The following ATXN2 variants were observed in gnomAD, a reference collection of about 807,000 sequenced individuals.
The protein encoded by ATXN2 is ataxin-2.
Under a neutral mutation model 138.6 loss-of-function variants are expected in ATXN2, and 37 were observed. The observed-to-expected ratio is 0.27, with a 90% CI of 0.21 to 0.35. The LOEUF (loss-of-function observed/expected upper bound fraction) is 0.35, where lower values mean the gene tolerates loss of function less well. ATXN2 is among the 10% of genes least tolerant of loss of function. The probability of loss-of-function intolerance (pLI) is 1.00; values close to 1 mark genes in which losing one functional copy is unlikely to be tolerated. For synonymous variants in ATXN2, 549 were observed against 543.7 expected (o/e 1.01, Z -0.13); for missense variants, 1,216 against 1,480.3 (o/e 0.82, Z 2.93).
rs1346017326 is a variant in ATXN2, at chr12:111,554,170, A to C, written c.336T>G (p.Leu112=). ...IYANMRMVHI[L]TSVVGSKCEV... ...TCTAATAACTTACAACAACTGATGT[A>C]AGTATATGAACCATCCTCATATTTG... is the stretch of plus-strand genomic sequence containing the variant. The change falls in exon 3 of 25, where the codon CTT becomes CTG. Residue 112 remains leucine (L), a synonymous_variant. Coordinates refer to ENST00000673436, the MANE Select transcript of ATXN2 (RefSeq NM_001372574.1). 1.3e-5 allele frequency: 19 copies of C among 1,496,994 alleles called. No homozygotes were observed. The highest frequency in any genetic ancestry group is 1.7e-5 in the Non-Finnish European group (19 of 1,111,946). The allele number at this position is 1,496,994 out of a possible 1,614,324, so 92.7% of individuals were successfully genotyped here.
At chr12:111,469,046 G>A (rs1476661258) in intron 20 of ATXN2, 2 of 152,052 alleles carry the variant, frequency 1.3e-5, no homozygotes, top group African/African-American at 4.8e-5. Context: ...ACTCGTTCAG[G>A]ACATCTAAAC....
intron 1 of ATXN2, among the ~76,000 whole-genome samples, chr12:111,573,622 T>C (rs1883460718): frequency 6.6e-6 from 1 of 152,188 alleles, no homozygotes; most frequent in Non-Finnish European, 1.5e-5. Context: ...TCCTATCTCT[T>C]TGACCTAAAG....
intron 5 of ATXN2, among the ~76,000 whole-genome samples, chr12:111,547,026 C>G (rs1247384196): frequency 6.6e-6 from 1 of 152,178 alleles, no homozygotes; most frequent in Admixed American, 6.5e-5. Flanking sequence ...TATTTCAAAG[C>G]CTTTTATTCA....
At chr12:111,576,122 TAA>T (rs1432580101) in intron 1 of ATXN2, among the ~76,000 whole-genome samples, 124 of 139,340 alleles carry the variant, frequency 8.9e-4, no homozygotes, top group South Asian at 6.6e-3. Flanking sequence ...TAACATAACA[TAA>T]CATAACATAA....
At chr12:111,524,581 C>T (rs1335405734) in intron 6 of ATXN2, among the ~76,000 whole-genome samples, 1 of 152,082 alleles carries the variant, frequency 6.6e-6, no homozygotes, top group Non-Finnish European at 1.5e-5. Context: ...CAGGCATGTG[C>T]CAGCATACCC....
At position 111,598,950 on chromosome 12, in the gene ATXN2, GC is replaced by G; in HGVS notation, c.84del (p.Gln28HisfsTer18). 5.0e-5 allele frequency: 1 copy of G among 19,984 alleles called. No homozygotes were observed. 1.2% of individuals were successfully genotyped at this position (19,984 alleles called of 1,614,324 possible). Reference protein sequence around the residue: ...QQQQQQQQQQQPPPAAANVRK... With the variant: ...QQQQQQQQQQXPPPAAANVRK... Reference sequence around the variant, plus strand: ...CGGACATTGGCAGCCGCGGGCGGCGGCTGCTGCTGCTGCTGCTGCTGCTGCT... The same window carrying G: ...CGGACATTGGCAGCCGCGGGCGGCGGTGCTGCTGCTGCTGCTGCTGCTGCT... On this transcript the variant is annotated frameshift_variant, in exon 1 of 25. Transcript: ENST00000673436. LOFTEE classifies it high-confidence loss of function. This position sits in a 1 kb window ranked among gnomAD's most constrained non-coding sequence, Gnocchi z 4.5.
chr12:111,527,604 C>G (rs897523763), intron 5 of ATXN2, among the ~76,000 whole-genome samples: 9 of 152,210 alleles, frequency 5.9e-5, no homozygotes, highest in African/African-American at 2.2e-4. Context: ...CTGGGCTTAG[C>G]TGCCAGCTCC....
rs1351609471 is a variant in ATXN2 at position 111,570,436 on chromosome 12, A to T, written c.252-14517T>A. ...AATTTTACATTTTAAAAACCTTATT[A>T]GCGTTTACTTTAAGCTCATTTCATT... On this transcript the variant is annotated intron_variant, in intron 1 of 24. Transcript: ENST00000673436. Among the ~76,000 whole-genome samples, 3 of 152,332 alleles carry T rather than the reference A, an allele frequency of 2.0e-5. No homozygotes were observed. The South Asian group carries it at 6.2e-4, about 32-fold the overall frequency.
In ATXN2 at chr12:111,513,507, G is replaced by T; in HGVS notation, c.1408C>A (p.His470Asn). 1.2e-6 allele frequency: 2 copies of T among 1,613,938 alleles called. No homozygotes were observed. The highest frequency in any genetic ancestry group is 1.7e-6 in the Non-Finnish European group (2 of 1,179,950). ...PPRMSPKAQRHPRNHRVSAGR... is the reference protein window; with the variant it reads ...PPRMSPKAQRNPRNHRVSAGR... Reference sequence around the variant, plus strand: ...GCAGAAACTCTGTGATTTCGAGGATGTCGCTGGGCCTTTGGGGACATCCTT... The same window carrying T: ...GCAGAAACTCTGTGATTTCGAGGATTTCGCTGGGCCTTTGGGGACATCCTT... The change falls in exon 11 of 25, where the codon CAT (histidine) becomes AAT (asparagine). Residue 470 changes from histidine (H) to asparagine (N), a missense_variant. Transcript: ENST00000673436.
chr12:111,566,782 G>A (rs1175214276), intron 1 of ATXN2, among the ~76,000 whole-genome samples: 1 of 151,904 alleles, frequency 6.6e-6, no homozygotes, highest in African/African-American at 2.4e-5. Flanking sequence ...GATTATAGGC[G>A]CCCGCCACCA....
chr12:111,483,188 A>AACACACACACACACAC (rs746562037), intron 18 of ATXN2, among the ~76,000 whole-genome samples: 1 of 118,946 alleles, frequency 8.4e-6, no homozygotes, highest in Non-Finnish European at 1.7e-5. Flanking sequence ...CCCTGTATCA[A>AACACACACACACACAC]ACACATACAC....
intron 5 of ATXN2, among the ~76,000 whole-genome samples, chr12:111,551,211 C>T (rs1436179402): frequency 1.3e-5 from 2 of 151,428 alleles, no homozygotes; most frequent in East Asian, 3.9e-4. Flanking sequence ...GCAGGAGAAT[C>T]GCTTGAACCT....
intron 5 of ATXN2, among the ~76,000 whole-genome samples, chr12:111,548,456 A>G (rs923598456): frequency 8.5e-5 from 13 of 152,374 alleles, no homozygotes; most frequent in African/African-American, 3.1e-4. Context: ...AGTCTGGCAC[A>G]TAGAATATGC....
At chr12:111,483,238 C>CAA (rs780429904) in intron 18 of ATXN2, among the ~76,000 whole-genome samples, 95 of 146,786 alleles carry the variant, frequency 6.5e-4, no homozygotes, top group Non-Finnish European at 1.3e-3. Context: ...CACACACACA[C>CAA]AAAACACCCA....
rs150538953 is a variant in ATXN2, at chr12:111,510,442, C to T, written c.1699G>A (p.Ala567Thr). The change falls in exon 12 of 25, where the codon GCA (alanine) becomes ACA (threonine). Residue 567 changes from alanine (A) to threonine (T), a missense_variant. Ala to Thr is a moderately conservative substitution (Grantham distance 58). Coordinates refer to ENST00000673436, the MANE Select transcript of ATXN2 (RefSeq NM_001372574.1). ...TEAVAMPIPA[A>T]SPTPASPASN... ...GCAGGACTAGCAGGCGTAGGAGATGCAGCTGGAATAGGCATGGCAACAGCT... is the reference window on the plus strand; with the variant it reads ...GCAGGACTAGCAGGCGTAGGAGATGTAGCTGGAATAGGCATGGCAACAGCT... The T allele has an allele frequency of 1.4e-4, 229 of 1,614,126 alleles. No individual in the cohort carries two copies. The African/African-American group carries it at 2.9e-3, about 20-fold the overall frequency.
intron 14 of ATXN2, among the ~76,000 whole-genome samples, chr12:111,499,849 G>T (rs1334198308): frequency 6.6e-6 from 1 of 152,130 alleles, no homozygotes; most frequent in Non-Finnish European, 1.5e-5. Context: ...TGGCAAACAG[G>T]TATATGAAAG....
chr12:111,599,022 G>T lies in ATXN2; in HGVS notation c.13C>A (p.Pro5Thr). The T allele has an allele frequency of 6.6e-7, 1 of 1,504,390 alleles. No homozygotes were observed. Among genetic ancestry groups the T allele is most frequent in the Non-Finnish European group, 8.8e-7 (1 of 1,131,182 alleles). The allele number at this position is 1,504,390 out of a possible 1,614,324, so 93.2% of individuals were successfully genotyped here. A position where few individuals can be genotyped will look rare whatever the true frequency, so the allele number is the denominator to read the frequency against. The part of the protein sequence containing the change: MSLK[P>T]QQQQQQQQQQ... ...TGCTGCTGCTGCTGCTGCTGCTGGG[G>T]CTTCAGCGACATGGTGAGGGGCCCA... The change falls in exon 1 of 25, where the codon CCC becomes ACC. Residue 5 changes from proline to threonine, a missense_variant. Transcript: ENST00000673436.
chr12:111,594,484 G>A (rs561776187), intron 1 of ATXN2, among the ~76,000 whole-genome samples: 5 of 152,100 alleles, frequency 3.3e-5, no homozygotes, highest in South Asian at 2.1e-4. Context: ...GATTACAGGC[G>A]CCTGGCTAAA....
At chr12:111,539,176 C>G (rs1354360093) in intron 5 of ATXN2, among the ~76,000 whole-genome samples, 1 of 150,114 alleles carries the variant, frequency 6.7e-6, no homozygotes, top group African/African-American at 2.4e-5. Context: ...GAAATTTGTG[C>G]CATCTCAAAA....
Sources: gnomAD v4.1 joint callset for allele counts (sites outside exome capture counted in the v4.1 genomes callset) on GRCh38, gnomAD v4.1.1 for gene constraint, Gnocchi (gnomAD v3.1) non-coding constraint, MANE v1.5 for transcripts, NCBI Gene and HGNC (gene_info 2026-07-23, HGNC 2026-07-21) for gene names.